Variants in CTBP2 observed in about 807,000 individuals in gnomAD.
CTBP2 encodes the protein C-terminal-binding protein 2.
In CTBP2, 30 loss-of-function variants were observed where a neutral mutation model predicts 80.3. That is an observed-to-expected ratio of 0.37 (90% CI 0.28 to 0.51). The LOEUF (loss-of-function observed/expected upper bound fraction) is 0.51, where lower values mean the gene tolerates loss of function less well. Ranked by LOEUF, CTBP2 falls within the 20% of genes least tolerant of loss-of-function variation. The pLI, the probability that CTBP2 is intolerant of heterozygous loss-of-function variation, is 0.93. For synonymous variants in CTBP2, 594 were observed against 587.4 expected (o/e 1.01, Z -0.16); for missense variants, 1,212 against 1,375.3 (o/e 0.88, Z 1.88).
chr10:125,084,858 G>T (rs528137574), intron 2 of CTBP2, among the ~76,000 whole-genome samples: 1 of 152,200 alleles, frequency 6.6e-6, no homozygotes, highest in South Asian at 2.1e-4. Flanking sequence ...GCCCCCAAAG[G>T]TTTGGCCTTC....
At chr10:124,992,932 G>T in intron 7 of CTBP2, 120 bp from the exon 10 acceptor site, 1 of 908,178 alleles carries the variant, frequency 1.1e-6, no homozygotes, top group Non-Finnish European at 1.7e-6. Flanking sequence ...AACATCCAAA[G>T]GCCCAAGTGC....
At chr10:125,072,524 G>A (rs1488601610) in intron 2 of CTBP2, among the ~76,000 whole-genome samples, 1 of 149,598 alleles carries the variant, frequency 6.7e-6, no homozygotes, top group East Asian at 2.0e-4. Flanking sequence ...ACTGAGGCAA[G>A]AGAATTGCTC....
chr10:125,137,516 A>G (rs1857152103), intron 1 of CTBP2, among the ~76,000 whole-genome samples: 1 of 152,236 alleles, frequency 6.6e-6, no homozygotes, highest in African/African-American at 2.4e-5. Context: ...CTGGAGCCAA[A>G]AACAAAACAA....
At chr10:125,130,043 T>C (rs577990498) in intron 1 of CTBP2, among the ~76,000 whole-genome samples, 12 of 50,894 alleles carry the variant, frequency 2.4e-4, no homozygotes, top group South Asian at 1.1e-3. Flanking sequence ...ATTTCTCTCT[T>C]TTTTTTTTTT....
At chr10:125,030,622 G>T (rs1015276655), upstream of CTBP2, among the ~76,000 whole-genome samples, 1 of 152,184 alleles carries the variant, frequency 6.6e-6, no homozygotes, top group Non-Finnish European at 1.5e-5. Context: ...ATGACTCTGG[G>T]GTCTAATTCT....
chr10:125,152,443 C>A (rs1860159041), intron 1 of CTBP2, among the ~76,000 whole-genome samples: 1 of 152,202 alleles, frequency 6.6e-6, no homozygotes, highest in African/African-American at 2.4e-5. Context: ...GGGTTCCAGG[C>A]GCCCCAGGCC....
chr10:125,126,241 G>A (rs1368484904), intron 1 of CTBP2, among the ~76,000 whole-genome samples: 1 of 152,106 alleles, frequency 6.6e-6, no homozygotes, highest in East Asian at 1.9e-4. Context: ...CACCTGGCAG[G>A]GTCGAGAGGA....
intron 2 of CTBP2, chr10:125,088,289 T>G (rs1848290693): frequency 6.6e-6 from 1 of 152,298 alleles, no homozygotes; most frequent in South Asian, 2.1e-4. Context: ...GGAAGGAAGT[T>G]GGCAAGGGGC....
At chr10:125,071,095 G>A (rs1203852113) in intron 2 of CTBP2, among the ~76,000 whole-genome samples, 2 of 152,230 alleles carry the variant, frequency 1.3e-5, no homozygotes, top group African/African-American at 4.8e-5. Flanking sequence ...CATATTCCAG[G>A]CACATCCAGA....
chr10:125,031,590 C>T (rs73375152), upstream of CTBP2, among the ~76,000 whole-genome samples: 13,471 of 148,744 alleles, frequency 0.091, 911 homozygotes, highest in African/African-American at 0.18. Flanking sequence ...GCTAATCTAA[C>T]GCAAAGGGTG....
chr10:125,070,978 T>C (rs532023186), intron 2 of CTBP2, among the ~76,000 whole-genome samples: 1 of 152,244 alleles, frequency 6.6e-6, no homozygotes, highest in Non-Finnish European at 1.5e-5. Context: ...AAAAAGAAAA[T>C]CACCCACTTC....
At chr10:125,043,268 C>T (rs1470763957) in intron 2 of CTBP2, among the ~76,000 whole-genome samples, 1 of 152,114 alleles carries the variant, frequency 6.6e-6, no homozygotes, top group East Asian at 1.9e-4. Context: ...GGGAGGGTTC[C>T]CCTCATCAAG....
At chr10:125,032,260 G>A (rs993736312), upstream of CTBP2, among the ~76,000 whole-genome samples, 15 of 152,158 alleles carry the variant, frequency 9.9e-5, no homozygotes, top group African/African-American at 3.6e-4. Context: ...GCTCCGCACA[G>A]TAGGTGCTCA....
chr10:125,022,174 T>G (rs1370062732), intron 1 of CTBP2, among the ~76,000 whole-genome samples: 2 of 151,990 alleles, frequency 1.3e-5, no homozygotes, highest in Non-Finnish European at 2.9e-5. Flanking sequence ...TGCTGAGCTC[T>G]GCCCTTCTCC....
intron 1 of CTBP2, among the ~76,000 whole-genome samples, chr10:125,021,643 G>A (rs961146066): frequency 1.7e-4 from 26 of 152,186 alleles, no homozygotes; most frequent in African/African-American, 4.6e-4. Context: ...GTGATCTGGC[G>A]AGGTCACAAG....
At chr10:125,051,977 AC>A (rs1962883874) in intron 2 of CTBP2, among the ~76,000 whole-genome samples, 2 of 152,188 alleles carry the variant, frequency 1.3e-5, no homozygotes. Context: ...GGAAGGAAGC[AC>A]CCCTGCGGAT....
chr10:125,063,971 C>T (rs1026445463), intron 2 of CTBP2, among the ~76,000 whole-genome samples: 8 of 152,152 alleles, frequency 5.3e-5, no homozygotes, highest in Non-Finnish European at 1.2e-4. Flanking sequence ...AGCCCTCAAC[C>T]CCCCGCACCC....
chr10:124,989,841 G>A (rs1952351324), intron 8 of CTBP2, 143 bp from the exon 11 acceptor site: 1 of 723,322 alleles, frequency 1.4e-6, no homozygotes, highest in Non-Finnish European at 2.1e-6. Flanking sequence ...CTGGGCTCAA[G>A]TGATCCCACC....
intron 2 of CTBP2, among the ~76,000 whole-genome samples, chr10:125,081,855 G>C (rs1401833099): frequency 1.3e-5 from 2 of 151,972 alleles, no homozygotes. Context: ...AAAGACAGGC[G>C]GGTCAGGCAG....
Sources: gnomAD v4.1 joint callset for allele counts (sites outside exome capture counted in the v4.1 genomes callset) on GRCh38, gnomAD v4.1.1 for gene constraint, MANE v1.5 for transcripts, NCBI Gene and HGNC (gene_info 2026-07-23, HGNC 2026-07-21) for gene names.